SLCO6A1: variants seen among roughly 807,000 people sequenced by gnomAD.
The protein encoded by SLCO6A1 is cancer/testis antigen 48.
Under a neutral mutation model 72.7 loss-of-function variants are expected in SLCO6A1, and 65 were observed. The observed-to-expected ratio is 0.89, with a 90% CI of 0.73 to 1.10. SLCO6A1 has a LOEUF of 1.10. SLCO6A1 is among the 50% of genes least tolerant of loss of function. SLCO6A1 has a pLI of 0.00. For synonymous variants in SLCO6A1, 314 were observed against 298.2 expected (o/e 1.05, Z -0.55); for missense variants, 874 against 872.6 (o/e 1.00, Z -0.02).
intron 7 of SLCO6A1, among the ~76,000 whole-genome samples, chr5:102,429,965 T>A (rs540066370): frequency 1.1e-3 from 162 of 152,314 alleles, no homozygotes; most frequent in African/African-American, 3.8e-3. Context: ...TTTGTTTGTG[T>A]CATCTCTTAT....
chr5:102,444,744 T>C (rs891560737), intron 6 of SLCO6A1, among the ~76,000 whole-genome samples: 2 of 152,220 alleles, frequency 1.3e-5, no homozygotes, highest in Non-Finnish European at 2.9e-5. Context: ...GTGAGAACTA[T>C]AATTTTGTTT....
At chr5:102,381,866 C>A (rs189160798) in intron 12 of SLCO6A1, among the ~76,000 whole-genome samples, 1 of 150,192 alleles carries the variant, frequency 6.7e-6, no homozygotes, top group African/African-American at 2.4e-5. Context: ...TTTATGTCAT[C>A]TTTTAAGAAA....
chr5:102,373,862 ATT>A (rs1052189371), intron 12 of SLCO6A1, among the ~76,000 whole-genome samples: 12 of 152,172 alleles, frequency 7.9e-5, no homozygotes, highest in African/African-American at 2.4e-4. Context: ...AATATTCATC[ATT>A]TTTCAAATAA....
intron 1 of SLCO6A1, among the ~76,000 whole-genome samples, chr5:102,490,205 A>G (rs997129871): frequency 1.2e-4 from 19 of 152,182 alleles, no homozygotes; most frequent in African/African-American, 4.3e-4. Flanking sequence ...CCTATTAACA[A>G]TAATGTACTG....
At chr5:102,475,616 T>C (rs1580497425) in intron 4 of SLCO6A1, 81 bp downstream of exon 4, 2 of 817,456 alleles carry the variant, frequency 2.4e-6, no homozygotes, top group East Asian at 2.7e-5. Flanking sequence ...ATTAAATATA[T>C]ATATTTACTT....
chr5:102,493,605 C>T (rs1752782252), intron 1 of SLCO6A1, among the ~76,000 whole-genome samples: 1 of 152,078 alleles, frequency 6.6e-6, no homozygotes, highest in African/African-American at 2.4e-5. Context: ...CATTGCTTTT[C>T]CTAATTTCTA....
intron 6 of SLCO6A1, among the ~76,000 whole-genome samples, chr5:102,441,720 T>C (rs1399969172): frequency 6.6e-6 from 1 of 152,112 alleles, no homozygotes; most frequent in Non-Finnish European, 1.5e-5. Context: ...TCTTTAATAA[T>C]GTTGCATAAA....
chr5:102,411,400 G>C (rs1442847792), intron 9 of SLCO6A1, among the ~76,000 whole-genome samples: 1 of 151,970 alleles, frequency 6.6e-6, no homozygotes, highest in Non-Finnish European at 1.5e-5. Context: ...AAGTACCTGG[G>C]ACTACAGTCA....
intron 9 of SLCO6A1, among the ~76,000 whole-genome samples, chr5:102,403,610 G>A (rs923597742): frequency 1.3e-5 from 2 of 151,964 alleles, no homozygotes; most frequent in Non-Finnish European, 2.9e-5. Flanking sequence ...AAAATTTGTT[G>A]CTTCTGAATA....
intron 7 of SLCO6A1, among the ~76,000 whole-genome samples, chr5:102,420,561 T>G (rs931109765): frequency 6.6e-6 from 1 of 151,636 alleles, no homozygotes; most frequent in Non-Finnish European, 1.5e-5. Context: ...TAGAAACAGG[T>G]AAGCAAAAGA....
In SLCO6A1 at chr5:102,498,898, T is replaced by C; in HGVS notation, c.-54A>G. ...CGGCCCGAGTGCTCTCGGCTGCCCG[T>C]CCTGCCTGGGCCAACCCAAAGGCCA... On this transcript the variant is annotated 5_prime_UTR_variant, in exon 1 of 14. Transcript: ENST00000506729. 1 of 1,519,246 alleles carries C rather than the reference T, an allele frequency of 6.6e-7. No individual in the cohort carries two copies. Among genetic ancestry groups the C allele is most frequent in the Non-Finnish European group, 8.8e-7 (1 of 1,130,002 alleles). 94.1% of individuals were successfully genotyped at this position (1,519,246 alleles called of 1,614,324 possible).
intron 7 of SLCO6A1, among the ~76,000 whole-genome samples, chr5:102,428,940 C>T (rs1749062014): frequency 6.6e-6 from 1 of 152,190 alleles, no homozygotes; most frequent in Non-Finnish European, 1.5e-5. Flanking sequence ...TCTCTTTTCT[C>T]TGCAACCTCG....
intron 6 of SLCO6A1, among the ~76,000 whole-genome samples, chr5:102,457,724 C>T (rs569967190): frequency 1.4e-4 from 22 of 152,272 alleles, no homozygotes; most frequent in Admixed American, 3.3e-4. Context: ...ACTAGAAATA[C>T]CATTTGACCC....
At chr5:102,476,354 G>C (rs1325656342) in intron 3 of SLCO6A1, among the ~76,000 whole-genome samples, 1 of 152,166 alleles carries the variant, frequency 6.6e-6, no homozygotes, top group Non-Finnish European at 1.5e-5. Flanking sequence ...AGGCCAGCAG[G>C]CTGGAAATTC....
intron 1 of SLCO6A1, among the ~76,000 whole-genome samples, chr5:102,487,671 C>G (rs1485684088): frequency 5.3e-5 from 8 of 152,200 alleles, no homozygotes; most frequent in Non-Finnish European, 1.0e-4. Flanking sequence ...GGTGGCAGAA[C>G]CAGCCGCATC....
At chr5:102,444,426 T>A (rs1750002306) in intron 6 of SLCO6A1, among the ~76,000 whole-genome samples, 1 of 152,150 alleles carries the variant, frequency 6.6e-6, no homozygotes, top group South Asian at 2.1e-4. Context: ...AAAACATAAG[T>A]TAAAGAGGAG....
At chr5:102,394,045 T>C (rs963968774) in intron 10 of SLCO6A1, among the ~76,000 whole-genome samples, 3 of 152,188 alleles carry the variant, frequency 2.0e-5, no homozygotes, top group Non-Finnish European at 2.9e-5. Flanking sequence ...TGCCAGCATC[T>C]AGCGTGCATC....
At chr5:102,384,471 C>T (rs536591589) in intron 12 of SLCO6A1, among the ~76,000 whole-genome samples, 35 of 151,868 alleles carry the variant, frequency 2.3e-4, no homozygotes, top group African/African-American at 6.0e-4. Context: ...AGTGGCAGTA[C>T]GCTTTTCTAA....
chr5:102,393,499 T>C (rs1178379141), intron 10 of SLCO6A1, among the ~76,000 whole-genome samples: 2 of 152,196 alleles, frequency 1.3e-5, no homozygotes, highest in Non-Finnish European at 2.9e-5. Flanking sequence ...GGTTCAAATG[T>C]AATTTCTTCA....
Sources: allele counts gnomAD v4.1 joint callset (sites outside exome capture counted in the v4.1 genomes callset), GRCh38; gene constraint gnomAD v4.1.1; transcripts MANE v1.5; gene names NCBI Gene and HGNC (gene_info 2026-07-23, HGNC 2026-07-21).